Variants in SESTD1 observed in about 807,000 individuals in gnomAD.
The protein encoded by SESTD1 is SEC14 and spectrin domain containing 1, also known as SEC14 domain and spectrin repeat-containing protein 1.
In SESTD1, 43 loss-of-function variants were observed where a neutral mutation model predicts 101.7. That is an observed-to-expected ratio of 0.42 (90% CI 0.33 to 0.55). SESTD1 has a LOEUF of 0.55. Ranked by LOEUF, SESTD1 falls within the 20% of genes least tolerant of loss-of-function variation. The probability of loss-of-function intolerance (pLI) is 0.07; values close to 1 mark genes in which losing one functional copy is unlikely to be tolerated. For missense variants in SESTD1, 647 were observed against 815.1 expected (o/e 0.79, Z 2.51); for synonymous variants, 283 against 286.8 (o/e 0.99, Z 0.13).
At chr2:179,175,542 A>G (rs972392511) in intron 4 of SESTD1, among the ~76,000 whole-genome samples, 2 of 151,802 alleles carry the variant, frequency 1.3e-5, no homozygotes, top group Non-Finnish European at 2.9e-5. Flanking sequence ...GCCATCAACT[A>G]CTCTCATTGT....
chr2:179,237,428 C>T (rs1243643741), intron 1 of SESTD1, among the ~76,000 whole-genome samples: 2 of 152,088 alleles, frequency 1.3e-5, no homozygotes, highest in Non-Finnish European at 2.9e-5. Context: ...ACATTTCCAT[C>T]GTAGCCTACA....
chr2:179,165,974 C>A (rs567294046), intron 5 of SESTD1, among the ~76,000 whole-genome samples: 1 of 152,180 alleles, frequency 6.6e-6, no homozygotes, highest in East Asian at 1.9e-4. Flanking sequence ...GAGCTAAATT[C>A]ACAAGGAAAC....
chr2:179,207,517 C>G lies in SESTD1; in HGVS notation c.-25-15651G>C, dbSNP rs145096364. ...CCTGCCACCTCCACCTGAGCAGGTG[C>G]TGATAACCACAGAGGGGAGACCTAA... On this transcript the variant is annotated intron_variant, in intron 1 of 17. Transcript: ENST00000428443. 5.3e-4 allele frequency among the ~76,000 whole-genome samples: 72 copies of G among 135,348 alleles called. 21 individuals carry two copies. The highest frequency in any genetic ancestry group is 1.8e-3 in the African/African-American group (62 of 34,320). 88.8% of individuals were successfully genotyped at this position (135,348 alleles called of 152,430 possible). A position where few individuals can be genotyped will look rare whatever the true frequency, so the allele number is the denominator to read the frequency against.
At chr2:179,260,184 A>G (rs1021936000) in intron 1 of SESTD1, among the ~76,000 whole-genome samples, 2 of 152,174 alleles carry the variant, frequency 1.3e-5, no homozygotes, top group Non-Finnish European at 2.9e-5. Context: ...ATTAGCTCAC[A>G]TATCATTTAA....
chr2:179,182,998 A>T, intron 3 of SESTD1, 82 bp downstream of exon 3: 1 of 907,548 alleles, frequency 1.1e-6, no homozygotes. Context: ...AAGATAGCAA[A>T]GTATAATTCA....
intron 1 of SESTD1, among the ~76,000 whole-genome samples, chr2:179,208,598 C>T (rs1274735014): frequency 7.4e-6 from 1 of 134,566 alleles, no homozygotes; most frequent in African/African-American, 2.9e-5. Flanking sequence ...AATTATCAGC[C>T]AATAATTCTG....
In SESTD1 at chr2:179,149,352, C is replaced by G. The variant is rs1362383512; in HGVS notation, c.526G>C (p.Glu176Gln). 1 of 1,609,096 alleles carries G rather than the reference C, an allele frequency of 6.2e-7. No homozygotes were observed. Among genetic ancestry groups the G allele is most frequent in the Non-Finnish European group, 8.5e-7 (1 of 1,178,848 alleles). ...CTTCCATTGTTAATCAAAGCAAGTT[C>G]ATCTAATAATGATGTAGATTCCTTT... ...FTKESTSLLD[E>Q]LALINNGSDK... Residue 176 changes from glutamate to glutamine, a missense_variant, in exon 7 of 18, where the codon GAA becomes CAA. Around this residue, in one of 3 missense-constraint regions of SESTD1, gnomAD observed 168 missense variants for 235.1 expected, o/e 0.71. Transcript: ENST00000428443.
intron 10 of SESTD1, among the ~76,000 whole-genome samples, chr2:179,126,830 A>C (rs1334111802): frequency 6.6e-6 from 1 of 152,036 alleles, no homozygotes; most frequent in East Asian, 1.9e-4. Context: ...TCCCTGCCTT[A>C]GTAGCTGCTA....
At chr2:179,149,172 C>G (rs1366971446) in intron 7 of SESTD1, 125 bp downstream of exon 7, 2 of 537,164 alleles carry the variant, frequency 3.7e-6, no homozygotes, top group Non-Finnish European at 6.3e-6. Context: ...TATTGTACGT[C>G]AATTTTGATT....
At chr2:179,131,896 T>C (rs185719033) in intron 10 of SESTD1, 3 of 152,854 alleles carry the variant, frequency 2.0e-5, no homozygotes, top group African/African-American at 7.2e-5. Context: ...TTGTGTTTAA[T>C]GCAGCAATTC....
Position 179,149,402 on chromosome 2 carries a change from ATGAG to A in SESTD1, c.484-12_484-9del. ...TGTAAACTTCTCAAAAACCTACAATATGAGTTTTATTAACATACTAAGAACAGTC... is the reference window on the plus strand; with the variant it reads ...TGTAAACTTCTCAAAAACCTACAATATTTTATTAACATACTAAGAACAGTC... On this transcript the variant is annotated splice_polypyrimidine_tract_variant and intron_variant, in intron 6 of 17. Transcript: ENST00000428443. The A allele has an allele frequency of 1.3e-6, 2 of 1,548,790 alleles. No homozygotes were observed. Among genetic ancestry groups the A allele is most frequent in the Non-Finnish European group, 1.8e-6 (2 of 1,131,148 alleles).
At chr2:179,117,469 T>A in intron 14 of SESTD1, 63 bp downstream of exon 14, 1 of 1,389,346 alleles carries the variant, frequency 7.2e-7, no homozygotes. Flanking sequence ...CTTTTGTTTG[T>A]AGTTAGATAA....
At chr2:179,225,181 T>C (rs1184572571) in intron 1 of SESTD1, among the ~76,000 whole-genome samples, 1 of 152,094 alleles carries the variant, frequency 6.6e-6, no homozygotes, top group Non-Finnish European at 1.5e-5. Context: ...AATTGATTGG[T>C]TGCTGGTGGG....
intron 5 of SESTD1, among the ~76,000 whole-genome samples, chr2:179,157,015 G>C (rs1020206376): frequency 1.3e-5 from 2 of 152,140 alleles, no homozygotes; most frequent in Non-Finnish European, 2.9e-5. Flanking sequence ...GAGAGATGAT[G>C]ATCCAGTTTC....
At chr2:179,181,646 T>TA (rs2046112951) in intron 3 of SESTD1, among the ~76,000 whole-genome samples, 1 of 152,170 alleles carries the variant, frequency 6.6e-6, no homozygotes, top group Admixed American at 6.6e-5. Flanking sequence ...TGTGAGATCT[T>TA]GGGCAAGTAA....
At position 179,123,846 on chromosome 2, in the gene SESTD1, C is replaced by T; in HGVS notation, c.1168-17G>A. ...CTGAGACAACTAAAGCAGAGGGACA[C>T]CAAAGAGATAACCCTGATGTAATCA... is the stretch of plus-strand genomic sequence containing the variant. On this transcript the variant is annotated splice_polypyrimidine_tract_variant and intron_variant, in intron 11 of 17. Coordinates refer to ENST00000428443, the MANE Select transcript of SESTD1 (RefSeq NM_178123.5). The T allele has an allele frequency of 1.3e-6, 2 of 1,566,474 alleles. No homozygotes were observed. The highest frequency in any genetic ancestry group is 1.1e-5 in the South Asian group (1 of 89,736).
chr2:179,186,442 T>A (rs193283195), intron 2 of SESTD1, among the ~76,000 whole-genome samples: 1 of 152,072 alleles, frequency 6.6e-6, no homozygotes, highest in Non-Finnish European at 1.5e-5. Flanking sequence ...AACAGAATAA[T>A]GGATATTAAC....
chr2:179,185,826 T>C (rs1018262636), intron 2 of SESTD1, among the ~76,000 whole-genome samples: 2 of 131,244 alleles, frequency 1.5e-5, no homozygotes, highest in African/African-American at 2.9e-5. Flanking sequence ...TAGTATATTA[T>C]ATATAATATA....
intron 1 of SESTD1, among the ~76,000 whole-genome samples, chr2:179,193,407 C>T (rs967631277): frequency 1.3e-5 from 2 of 152,146 alleles, no homozygotes; most frequent in Non-Finnish European, 2.9e-5. Flanking sequence ...AGGAAAAAAG[C>T]TCACAATTTA....
Sources: allele counts gnomAD v4.1 joint callset (sites outside exome capture counted in the v4.1 genomes callset), GRCh38; gene constraint gnomAD v4.1.1; regional missense constraint gnomAD v4.1.1; transcripts MANE v1.5; gene names NCBI Gene and HGNC (gene_info 2026-07-23, HGNC 2026-07-21).